SLC25A48: variants seen among roughly 807,000 people sequenced by gnomAD.
SLC25A48 encodes the protein CTC-321K16.1.
In SLC25A48, 29 loss-of-function variants were observed where a neutral mutation model predicts 32.2. The observed-to-expected ratio is 0.90, with a 90% CI of 0.67 to 1.23. The LOEUF (loss-of-function observed/expected upper bound fraction) is 1.23, where lower values mean the gene tolerates loss of function less well. SLC25A48 is among the 50% of genes most tolerant of loss of function. SLC25A48 has a pLI of 0.00. For missense variants in SLC25A48, 399 were observed against 422.7 expected (o/e 0.94, Z 0.49); for synonymous variants, 164 against 172.3 (o/e 0.95, Z 0.38).
intron 1 of SLC25A48, among the ~76,000 whole-genome samples, chr5:135,585,689 G>C (rs1007117054): frequency 3.3e-5 from 5 of 152,166 alleles, no homozygotes; most frequent in Admixed American, 3.3e-4. Context: ...AGTCTAGTGT[G>C]TTACAGAGTC....
At position 135,670,440 on chromosome 5, in the gene SLC25A48, G is replaced by A. The variant is rs1327927637; in HGVS notation, c.-521+35484G>A. Among the ~76,000 whole-genome samples, 3 of 152,234 alleles carry A rather than the reference G, an allele frequency of 2.0e-5. No individual in the cohort carries two copies. In the East Asian group the frequency reaches 5.8e-4, roughly 29 times the overall value. On this transcript the variant is annotated intron_variant, in intron 3 of 10. Transcript: ENST00000646290. ...GTAGTCTTTTCCAGGCACGGACACA[G>A]AGTGGAGGGTTGGAGCATGGGCTTT... is the stretch of plus-strand genomic sequence containing the variant.
At chr5:135,685,154 C>T (rs567582255) in intron 3 of SLC25A48, among the ~76,000 whole-genome samples, 7 of 152,094 alleles carry the variant, frequency 4.6e-5, no homozygotes, top group South Asian at 4.2e-4. Context: ...CTTTTTTATG[C>T]GTGAGATTGA....
At chr5:135,818,106 TCTCTCTCTCTCTC>T (rs1757784183) in intron 4 of SLC25A48, among the ~76,000 whole-genome samples, 5 of 140,834 alleles carry the variant, frequency 3.6e-5, no homozygotes, top group Non-Finnish European at 4.7e-5. Flanking sequence ...TCTCTCTCTC[TCTCTCTCTCTCTC>T]CCTCTGTTTC....
intron 4 of SLC25A48, among the ~76,000 whole-genome samples, chr5:135,870,129 T>C (rs1407582417): frequency 6.6e-6 from 1 of 152,230 alleles, no homozygotes; most frequent in East Asian, 1.9e-4. Flanking sequence ...CATTGACCTA[T>C]ATGATGAAAG....
At position 135,589,799 on chromosome 5, in the gene SLC25A48, A is replaced by G. The variant is rs568026305; in HGVS notation, c.-849+10202A>G. Among the ~76,000 whole-genome samples, 9 of 152,204 alleles carry G rather than the reference A, an allele frequency of 5.9e-5. No homozygotes were observed. The East Asian group carries it at 1.4e-3, about 23-fold the overall frequency. On this transcript the variant is annotated intron_variant, in intron 1 of 10. Coordinates refer to the SLC25A48 transcript ENST00000646290. The stretch of plus-strand genomic sequence containing the variant: ...AACCTCTGCCTCCTGGGTTCAAGCG[A>G]TTCTCCTGCTTCAGCCTCCCGAGTA...
intron 7 of SLC25A48, chr5:135,883,574 A>C: frequency 2.8e-6 from 2 of 715,942 alleles, no homozygotes; most frequent in African/African-American, 1.9e-5. Flanking sequence ...ACCCCTCCAC[A>C]CAGGTGAGGA....
chr5:135,702,647 G>C (rs1248240694), intron 3 of SLC25A48, among the ~76,000 whole-genome samples: 1 of 152,248 alleles, frequency 6.6e-6, no homozygotes, highest in Admixed American at 6.5e-5. Context: ...ACAGTCAGGA[G>C]AGTCTGGACC....
chr5:135,880,164 A>G (rs1416176529), intron 7 of SLC25A48, 67 bp downstream of exon 7: 6 of 1,469,038 alleles, frequency 4.1e-6, no homozygotes, highest in Non-Finnish European at 4.5e-6. Flanking sequence ...TTTTTTTATC[A>G]TGAGAATGTT....
At chr5:135,816,365 C>A (rs541688049) in intron 4 of SLC25A48, among the ~76,000 whole-genome samples, 1 of 152,270 alleles carries the variant, frequency 6.6e-6, no homozygotes, top group South Asian at 2.1e-4. Context: ...ACCTGTGTGT[C>A]ATCTAAAATC....
intron 3 of SLC25A48, among the ~76,000 whole-genome samples, chr5:135,770,809 C>T (rs55725116): frequency 0.22 from 33,996 of 151,744 alleles, 4,734 homozygotes; most frequent in Middle Eastern, 0.32. Flanking sequence ...GGTGTATACC[C>T]TCCCTGTGAT....
At position 135,888,300 on chromosome 5, in the gene SLC25A48, A is replaced by AAACCACCC; in HGVS notation, c.*277_*278insACCACCCA. ...CCAAGAAATGTTTGGTCCAGCTGAG[A>AAACCACCC]AGTCCTGACCATGAGCACCAGGGAG... On this transcript the variant is annotated 3_prime_UTR_variant, in exon 8 of 8. Transcript: ENST00000681962. 2.1e-6 allele frequency: 1 copy of AAACCACCC among 483,014 alleles called. No individual in the cohort carries two copies. Among genetic ancestry groups the AAACCACCC allele is most frequent in the Non-Finnish European group, 3.7e-6 (1 of 268,512 alleles). The allele number at this position is 483,014 out of a possible 1,614,324, so 29.9% of individuals were successfully genotyped here. A position where few individuals can be genotyped will look rare whatever the true frequency, so the allele number is the denominator to read the frequency against.
chr5:135,655,903 AG>A (rs926622083), intron 3 of SLC25A48, among the ~76,000 whole-genome samples: 40 of 151,948 alleles, frequency 2.6e-4, no homozygotes, highest in African/African-American at 9.7e-4. Context: ...AGGATTTGGG[AG>A]GGGGGTCTGG....
chr5:135,680,121 T>G (rs1033734312), intron 3 of SLC25A48, among the ~76,000 whole-genome samples: 9 of 152,204 alleles, frequency 5.9e-5, no homozygotes, highest in African/African-American at 2.2e-4. Flanking sequence ...TAGTCACTAC[T>G]CTTTTGAATT....
rs527384923 is a variant in SLC25A48, at chr5:135,801,511, T to C, written c.-520-11012T>C. Among the ~76,000 whole-genome samples the C allele has an allele frequency of 4.0e-5, 6 of 150,774 alleles. No individual in the cohort carries two copies. In the South Asian group the frequency reaches 1.3e-3, roughly 32 times the overall value. On this transcript the variant is annotated intron_variant, in intron 3 of 10. Transcript: ENST00000646290. ...GGTGTGTAAACCCCCTGTGATGTTG[T>C]TAATAATATTCAGTGGGGGAAGAAG... is the stretch of plus-strand genomic sequence containing the variant.
intron 3 of SLC25A48, among the ~76,000 whole-genome samples, chr5:135,750,620 TG>T (rs1202517347): frequency 3.3e-5 from 5 of 152,098 alleles, no homozygotes; most frequent in Non-Finnish European, 5.9e-5. Context: ...TATACAGGGA[TG>T]GGGGGCAATG....
chr5:135,773,955 A>C (rs958161774), intron 3 of SLC25A48, among the ~76,000 whole-genome samples: 3 of 151,474 alleles, frequency 2.0e-5, no homozygotes, highest in African/African-American at 7.3e-5. Flanking sequence ...AGAGGATGTA[A>C]ACTTCCCCTG....
At position 135,882,797 on chromosome 5, in the gene SLC25A48, G is replaced by A. The variant is rs912339327; in HGVS notation, c.*7+2700G>A. Among the ~76,000 whole-genome samples the A allele has an allele frequency of 4.6e-5, 7 of 152,100 alleles. No homozygotes were observed. In the East Asian group the frequency reaches 7.7e-4, roughly 17 times the overall value. ...CCTGGAATAGTGCTGGTCTGCCCTC[G>A]GTCCTGACATGCATGCTGCAGGTCT... On this transcript the variant is annotated intron_variant, in intron 7 of 7. Transcript: ENST00000681962.
intron 3 of SLC25A48, among the ~76,000 whole-genome samples, chr5:135,788,884 G>A (rs2126630252): frequency 6.6e-6 from 1 of 151,782 alleles, no homozygotes; most frequent in Non-Finnish European, 1.5e-5. Context: ...CTCCCCATGT[G>A]TCGGGGGGTG....
rs80287602 is a variant in SLC25A48 at position 135,746,034 on chromosome 5, C to T, written c.-520-66489C>T. On this transcript the variant is annotated intron_variant, in intron 3 of 10. Transcript: ENST00000646290. ...CCATCCGTGCCACATCCTTTGCTCT[C>T]GCCTTCTACAGTCCTCCTCCCTGTC... is the stretch of plus-strand genomic sequence containing the variant. Among the ~76,000 whole-genome samples, 10 of 152,272 alleles carry T rather than the reference C, an allele frequency of 6.6e-5. No homozygotes were observed. In the Middle Eastern group the frequency reaches 0.014, roughly 207 times the overall value.
Sources: allele counts gnomAD v4.1 joint callset (sites outside exome capture counted in the v4.1 genomes callset), GRCh38; gene constraint gnomAD v4.1.1; transcripts MANE v1.5; gene names NCBI Gene and HGNC (gene_info 2026-07-23, HGNC 2026-07-21).